The following ELAPOR1 variants were observed in gnomAD, a reference collection of about 807,000 sequenced individuals.
ELAPOR1 encodes endosome-lysosome associated apoptosis and autophagy regulator 1.
ELAPOR1 carries 77 observed loss-of-function variants against 119.7 expected under a neutral mutation model. The ratio of observed to expected loss-of-function variants is 0.64; its 90% CI spans 0.54 to 0.78. The LOEUF is 0.78. ELAPOR1 is among the 30% of genes least tolerant of loss of function. The pLI is 0.00. For missense variants in ELAPOR1, 1,115 were observed against 1,270.4 expected (o/e 0.88, Z 1.86); for synonymous variants, 481 against 487.2 (o/e 0.99, Z 0.17).
At chr1:109,129,820 C>T (rs1273714581) in intron 1 of ELAPOR1, among the ~76,000 whole-genome samples, 5 of 152,218 alleles carry the variant, frequency 3.3e-5, no homozygotes, top group Non-Finnish European at 7.3e-5. Context: ...AGAAATAAGA[C>T]GTGCACTAGT....
At chr1:109,127,170 C>T (rs1320856911) in intron 1 of ELAPOR1, among the ~76,000 whole-genome samples, 2 of 150,536 alleles carry the variant, frequency 1.3e-5, no homozygotes, top group East Asian at 1.9e-4. Context: ...AATATATTCT[C>T]ATATTTCCTG....
intron 1 of ELAPOR1, among the ~76,000 whole-genome samples, chr1:109,118,170 C>T (rs190400224): frequency 6.6e-5 from 10 of 151,604 alleles, no homozygotes; most frequent in Non-Finnish European, 1.5e-4. Context: ...TTAATTCAAA[C>T]AGTTGGCACT....
intron 6 of ELAPOR1, 45 bp from the exon 7 acceptor site, chr1:109,173,643 C>T (rs748078492): frequency 6.2e-7 from 1 of 1,613,358 alleles, no homozygotes; most frequent in Admixed American, 1.7e-5. Flanking sequence ...GGGACTCAGT[C>T]TCCAGGCTGA....
rs1466694344 is a variant in ELAPOR1, at chr1:109,198,021, C to G, written c.2345C>G (p.Ala782Gly). 1.9e-6 allele frequency: 3 copies of G among 1,614,018 alleles called. No individual in the cohort carries two copies. In the African/African-American group the frequency reaches 4.0e-5, roughly 22 times the overall value. Residue 782 changes from alanine to glycine, a missense_variant, in exon 17 of 22, where the codon GCT (alanine) becomes GGT (glycine). Physicochemically the swap from Ala to Gly is moderately conservative, Grantham distance 60 (BLOSUM62 0). Coordinates refer to ENST00000369939, the MANE Select transcript of ELAPOR1 (RefSeq NM_020775.5). The part of the protein sequence containing the change: ...DMTLDGITSP[A>G]ELFHLESLGI... The stretch of plus-strand genomic sequence containing the variant: ...ACTCTGGATGGAATCACCTCCCCAG[C>G]TGAACTTTTCCACCTGGAGTCCTTG...
chr1:109,200,938 G>C (rs1285579197), intron 21 of ELAPOR1, 38 bp downstream of exon 21: 6 of 1,593,488 alleles, frequency 3.8e-6, no homozygotes, highest in Non-Finnish European at 5.1e-6. Flanking sequence ...TCAGCCTGGA[G>C]GGCTGGAGGA....
At chr1:109,199,391 T>G (rs1271707214) in intron 18 of ELAPOR1, among the ~76,000 whole-genome samples, 2 of 152,178 alleles carry the variant, frequency 1.3e-5, no homozygotes, top group Non-Finnish European at 2.9e-5. Context: ...GAGTGTCAAA[T>G]CCCTGTTCTT....
In ELAPOR1 at chr1:109,189,088, G is replaced by A. The variant is rs267597903; in HGVS notation, c.1242G>A (p.Gly414=). Reference sequence around the variant, plus strand: ...CAGACTGTACCCGCTGCCCTGCAGGGACTGAACCTGCTGTGGGATTTGAAT... The same window carrying A: ...CAGACTGTACCCGCTGCCCTGCAGGAACTGAACCTGCTGTGGGATTTGAAT... ...NGSDCTRCPA[G]TEPAVGFEYK... The change falls in exon 10 of 22, where the codon GGG becomes GGA. Residue 414 remains glycine (G), a synonymous_variant. Coordinates refer to ENST00000369939, the MANE Select transcript of ELAPOR1 (RefSeq NM_020775.5). The A allele has an allele frequency of 1.2e-6, 2 of 1,613,922 alleles. No individual in the cohort carries two copies. Among genetic ancestry groups the A allele is most frequent in the Non-Finnish European group, 1.7e-6 (2 of 1,179,924 alleles).
chr1:109,186,619 A>G, intron 8 of ELAPOR1: 1 of 985,436 alleles, frequency 1.0e-6, no homozygotes, highest in African/African-American at 1.7e-5. Context: ...CCTTAGACTC[A>G]GTTCTGTGGT....
At chr1:109,127,436 G>C (rs1280687415) in intron 1 of ELAPOR1, among the ~76,000 whole-genome samples, 1 of 151,948 alleles carries the variant, frequency 6.6e-6, no homozygotes, top group African/African-American at 2.4e-5. Context: ...GGATGGTCTT[G>C]ATCGCCTGAC....
chr1:109,192,843 T>C lies in ELAPOR1; in HGVS notation c.1916T>C (p.Val639Ala), dbSNP rs756550031. Residue 639 changes from valine (V) to alanine (A), a missense_variant, in exon 14 of 22, where the codon GTG (valine) becomes GCG (alanine). Transcript: ENST00000369939. ...CAGCCTTATGGTGTCCAGGCCTGTG[T>C]GCCCTGTGGTCCAGGGACCAAGAAC... ...AHQPYGVQAC[V>A]PCGPGTKNNK... is the part of the protein sequence containing the mutation. 1 of 1,614,076 alleles carries C rather than the reference T, an allele frequency of 6.2e-7. No individual in the cohort carries two copies. The highest frequency in any genetic ancestry group is 8.5e-7 in the Non-Finnish European group (1 of 1,180,012).
At chr1:109,140,409 C>T (rs185314107) in intron 1 of ELAPOR1, among the ~76,000 whole-genome samples, 145 of 152,290 alleles carry the variant, frequency 9.5e-4, no homozygotes, top group Admixed American at 2.8e-3. Context: ...AGAGTGAAGG[C>T]CCTCGTAAAC....
chr1:109,161,935 T>C lies in ELAPOR1; in HGVS notation c.195T>C (p.Gly65=), dbSNP rs746003861. The part of the protein sequence containing the change: ...HYEYTACDST[G]SRWRVAVPHT... ...AGTACACGGCGTGTGACAGCACGGG[T>C]TCCAGGTGGAGGGTCGCCGTGCCGC... The change falls in exon 2 of 22, where the codon GGT becomes GGC. Residue 65 remains glycine, a synonymous_variant. Coordinates refer to ENST00000369939, the MANE Select transcript of ELAPOR1 (RefSeq NM_020775.5). 4.3e-6 allele frequency: 7 copies of C among 1,613,812 alleles called. No individual in the cohort carries two copies. The Admixed American group carries it at 1.0e-4, about 23-fold the overall frequency.
intron 1 of ELAPOR1, among the ~76,000 whole-genome samples, chr1:109,151,273 C>A (rs1650515082): frequency 6.6e-6 from 1 of 152,124 alleles, no homozygotes; most frequent in Non-Finnish European, 1.5e-5. Flanking sequence ...CCTCAGAGGT[C>A]TAGAGCTGGT....
At chr1:109,161,208 G>A (rs1488935614) in intron 1 of ELAPOR1, among the ~76,000 whole-genome samples, 1 of 151,916 alleles carries the variant, frequency 6.6e-6, no homozygotes, top group Non-Finnish European at 1.5e-5. Context: ...TCAGGAGTTT[G>A]AGACCAGCAT....
At chr1:109,147,285 C>G (rs148301579) in intron 1 of ELAPOR1, among the ~76,000 whole-genome samples, 10,997 of 151,974 alleles carry the variant, frequency 0.072, 447 homozygotes, top group Non-Finnish European at 0.09. Context: ...ATTTATCCAG[C>G]CATGAAAAGA....
In ELAPOR1 at chr1:109,173,656, C is replaced by A. The variant is rs201324052; in HGVS notation, c.803-32C>A. 3.3e-5 allele frequency: 53 copies of A among 1,613,456 alleles called. No individual in the cohort carries two copies. In the East Asian group the frequency reaches 1.1e-3, roughly 34 times the overall value. On this transcript the variant is annotated intron_variant, in intron 6 of 21. Coordinates refer to ENST00000369939, the MANE Select transcript of ELAPOR1 (RefSeq NM_020775.5). ...TGGGGACTCAGTCTCCAGGCTGAAT[C>A]CTTGCTTTTCTGTGCTCTTCCTCCT... is the stretch of plus-strand genomic sequence containing the variant.
At position 109,189,147 on chromosome 1, in the gene ELAPOR1, A is replaced by C. The variant is rs1557695088; in HGVS notation, c.1301A>C (p.Glu434Ala). 1 of 1,614,088 alleles carries C rather than the reference A, an allele frequency of 6.2e-7. No homozygotes were observed. The highest frequency in any genetic ancestry group is 1.7e-5 in the Admixed American group (1 of 60,008). The change falls in exon 10 of 22, where the codon GAA becomes GCA. Residue 434 changes from glutamate (E) to alanine (A), a missense_variant. Physicochemically the swap from Glu to Ala is moderately radical, Grantham distance 107. Coordinates refer to ENST00000369939, the MANE Select transcript of ELAPOR1 (RefSeq NM_020775.5). ...KWWNTLPTNM[E>A]TTVLSGINFE... ...TGGAACACGCTGCCCACAAACATGG[A>C]AACGACCGTTCTCAGTGGGATCAAC... is the stretch of plus-strand genomic sequence containing the variant.
intron 1 of ELAPOR1, among the ~76,000 whole-genome samples, chr1:109,142,557 A>T (rs1187850650): frequency 6.6e-6 from 1 of 152,244 alleles, no homozygotes; most frequent in African/African-American, 2.4e-5. Context: ...GCTGGTCCAC[A>T]GCCGGGCACT....
chr1:109,173,378 A>G, intron 5 of ELAPOR1, 96 bp from the exon 6 acceptor site: 1 of 954,438 alleles, frequency 1.0e-6, no homozygotes. Context: ...ATTACCATGC[A>G]GTTAGTAAGA....
Sources: gnomAD v4.1 joint callset for allele counts (sites outside exome capture counted in the v4.1 genomes callset) on GRCh38, gnomAD v4.1.1 for gene constraint, MANE v1.5 for transcripts, NCBI Gene and HGNC (gene_info 2026-07-23, HGNC 2026-07-21) for gene names.